Variants in DSE observed in about 807,000 individuals in gnomAD.
DSE encodes dermatan sulfate epimerase, also known as dermatan-sulfate epimerase.
DSE carries 36 observed loss-of-function variants against 84.4 expected under a neutral mutation model. The ratio of observed to expected loss-of-function variants is 0.43; its 90% confidence interval spans 0.33 to 0.56. The LOEUF (loss-of-function observed/expected upper bound fraction) is 0.56. Ranked by LOEUF, DSE falls within the 20% of genes least tolerant of loss-of-function variation. The pLI is 0.06. For synonymous variants in DSE, 410 were observed against 430.1 expected (o/e 0.95, Z 0.58); for missense variants, 862 against 1,169.6 (o/e 0.74, Z 3.84).
At chr6:116,390,901 A>G (rs192397958) in intron 1 of DSE, among the ~76,000 whole-genome samples, 11 of 152,266 alleles carry the variant, frequency 7.2e-5, no homozygotes, top group Middle Eastern at 3.4e-3. Context: ...ATGATAACCA[A>G]TCTCTGAAAA....
At chr6:116,287,769 A>C (rs1027530140) in intron 2 of DSE, among the ~76,000 whole-genome samples, 1 of 152,064 alleles carries the variant, frequency 6.6e-6, no homozygotes, top group African/African-American at 2.4e-5. Context: ...GTAATTACTA[A>C]AATTCACATC....
chr6:116,437,154 C>G lies in DSE; in HGVS notation c.2686C>G (p.Leu896Val). The part of the protein sequence containing the change: ...VTTTHSRAPS[L>V]SASYTRLFLI... The stretch of plus-strand genomic sequence containing the variant: ...AACTACACACAGCAGGGCCCCATCA[C>G]TGTCTGCTTCCTATACCAGGTTGTT... The change falls in exon 6 of 6, where the codon CTG becomes GTG. Residue 896 changes from leucine to valine, a missense_variant. Around this residue, in one of 4 missense-constraint regions of DSE, gnomAD observed 315 missense variants for 348.1 expected, o/e 0.90. Transcript: ENST00000644252. The G allele has an allele frequency of 1.2e-6, 2 of 1,614,166 alleles. No individual in the cohort carries two copies. The highest frequency in any genetic ancestry group is 1.7e-6 in the Non-Finnish European group (2 of 1,180,000).
intron 2 of DSE, among the ~76,000 whole-genome samples, chr6:116,404,099 A>G (rs1781769188): frequency 6.6e-6 from 1 of 152,184 alleles, no homozygotes; most frequent in Admixed American, 6.5e-5. Context: ...TCCACCAGGC[A>G]GCCTCCCTAT....
intron 2 of DSE, among the ~76,000 whole-genome samples, chr6:116,326,408 G>A (rs1318110320): frequency 6.6e-6 from 1 of 152,146 alleles, no homozygotes; most frequent in Admixed American, 6.5e-5. Context: ...CAAGAGTGAT[G>A]AAATTTTTTG....
chr6:116,383,116 T>C (rs1390034838), intron 1 of DSE, among the ~76,000 whole-genome samples: 2 of 152,132 alleles, frequency 1.3e-5, no homozygotes, highest in African/African-American at 4.8e-5. Context: ...TTTCATAAAA[T>C]CTGTAATTTG....
At chr6:116,331,385 C>T (rs938384146) in intron 2 of DSE, among the ~76,000 whole-genome samples, 5 of 152,112 alleles carry the variant, frequency 3.3e-5, no homozygotes, top group African/African-American at 1.2e-4. Flanking sequence ...ATGGTGACAG[C>T]AAGGAGAAGT....
chr6:116,308,536 T>C (rs992465574), intron 2 of DSE, among the ~76,000 whole-genome samples: 4 of 152,228 alleles, frequency 2.6e-5, no homozygotes, highest in Non-Finnish European at 5.9e-5. Context: ...GAGGGCTTTT[T>C]AATGAGAAAG....
chr6:116,347,455 A>G (rs1204265683), intron 2 of DSE, among the ~76,000 whole-genome samples: 1 of 152,184 alleles, frequency 6.6e-6, no homozygotes, highest in Non-Finnish European at 1.5e-5. Context: ...ATATAGACCA[A>G]TGGAACAGAA....
chr6:116,309,606 A>G (rs1210196603), intron 2 of DSE, among the ~76,000 whole-genome samples: 1 of 152,218 alleles, frequency 6.6e-6, no homozygotes, highest in Admixed American at 6.5e-5. Flanking sequence ...GAGACTAGGT[A>G]ATTTATAAAG....
At chr6:116,256,143 ATTAC>A (rs1772134709) in intron 1 of DSE, 1 of 152,188 alleles carries the variant, frequency 6.6e-6, no homozygotes, top group Non-Finnish European at 1.5e-5. Context: ...CTCCCACCTT[ATTAC>A]TTTACCTCCT....
At chr6:116,391,764 TAAAA>T (rs77486984) in intron 1 of DSE, among the ~76,000 whole-genome samples, 2 of 119,278 alleles carry the variant, frequency 1.7e-5, no homozygotes, top group East Asian at 2.3e-4. Flanking sequence ...GACTCCGTCT[TAAAA>T]AAAAAAAAAA....
intron 2 of DSE, among the ~76,000 whole-genome samples, chr6:116,297,853 C>A (rs1229664910): frequency 6.6e-6 from 1 of 152,272 alleles, no homozygotes; most frequent in East Asian, 1.9e-4. Flanking sequence ...GATCACTAGG[C>A]TCTTAATAAA....
chr6:116,333,218 T>G (rs1020835417), intron 2 of DSE, among the ~76,000 whole-genome samples: 14 of 152,214 alleles, frequency 9.2e-5, no homozygotes, highest in African/African-American at 3.4e-4. Context: ...TTCTGCTGCA[T>G]AACAGAGTAC....
chr6:116,281,507 C>G (rs967063063), intron 2 of DSE, among the ~76,000 whole-genome samples: 3 of 152,140 alleles, frequency 2.0e-5, no homozygotes, highest in Non-Finnish European at 4.4e-5. Context: ...CATGGCTTCC[C>G]GTGAGTTCCT....
intron 2 of DSE, among the ~76,000 whole-genome samples, chr6:116,407,073 C>T (rs1781978270): frequency 1.3e-5 from 2 of 152,308 alleles, no homozygotes; most frequent in South Asian, 4.1e-4. Context: ...AGATATAGGA[C>T]ACTCTTTCTT....
chr6:116,371,772 C>T (rs1348901852), intron 1 of DSE, among the ~76,000 whole-genome samples: 1 of 152,230 alleles, frequency 6.6e-6, no homozygotes, highest in Admixed American at 6.5e-5. Flanking sequence ...GGGCTTGACT[C>T]ACAGACTGGG....
At chr6:116,287,298 A>G (rs1388011872) in intron 2 of DSE, among the ~76,000 whole-genome samples, 1 of 152,128 alleles carries the variant, frequency 6.6e-6, no homozygotes, top group Non-Finnish European at 1.5e-5. Context: ...TTTTGTGAAT[A>G]TGAAGTTTTA....
Position 116,437,829 on chromosome 6 carries a change from T to C in DSE, c.*484T>C, listed in dbSNP as rs1784277480. 6.6e-6 allele frequency: 1 copy of C among 152,368 alleles called. No homozygotes were observed. The highest frequency in any genetic ancestry group is 2.4e-5 in the African/African-American group (1 of 41,462). 9.4% of individuals were successfully genotyped at this position (152,368 alleles called of 1,614,324 possible). A position where few individuals can be genotyped will look rare whatever the true frequency, so the allele number is the denominator to read the frequency against. ...TAAATGTTGCTAAGTCCTGGTATGA[T>C]GGTGTGAGCTTCCTTGGGGAAGTAC... is the stretch of plus-strand genomic sequence containing the variant. On this transcript the variant is annotated 3_prime_UTR_variant, in exon 6 of 6. Transcript: ENST00000644252.
intron 2 of DSE, among the ~76,000 whole-genome samples, chr6:116,417,036 C>G (rs960324828): frequency 7.9e-5 from 12 of 152,100 alleles, no homozygotes; most frequent in African/African-American, 2.7e-4. Context: ...ATAATAGATT[C>G]TTTAAGAATT....
Sources: gnomAD v4.1 joint callset for allele counts (sites outside exome capture counted in the v4.1 genomes callset) on GRCh38, gnomAD v4.1.1 for gene constraint, gnomAD v4.1.1 regional missense constraint, MANE v1.5 for transcripts, NCBI Gene and HGNC (gene_info 2026-07-23, HGNC 2026-07-21) for gene names.